Variants in SIPA1L1 observed in about 807,000 individuals in gnomAD.
SIPA1L1 encodes signal-induced proliferation-associated 1-like protein 1.
SIPA1L1 carries 26 observed loss-of-function variants against 162.7 expected under a neutral mutation model. The ratio of observed to expected loss-of-function variants is 0.16; its 90% confidence interval spans 0.12 to 0.22. The LOEUF is 0.22. Ranked by LOEUF, SIPA1L1 falls within the 10% of genes least tolerant of loss-of-function variation. The pLI, the probability that SIPA1L1 is intolerant of heterozygous loss-of-function variation, is 1.00. For missense variants in SIPA1L1, 1,874 were observed against 2,241.0 expected (o/e 0.84, Z 3.31); for synonymous variants, 829 against 837.4 (o/e 0.99, Z 0.17).
At chr14:71,365,977 C>T (rs1490762291) in intron 2 of SIPA1L1, among the ~76,000 whole-genome samples, 3 of 151,302 alleles carry the variant, frequency 2.0e-5, no homozygotes, top group Non-Finnish European at 4.4e-5. Context: ...CCTCCTGCCT[C>T]TGCCTTCCAA....
At chr14:71,707,689 T>C (rs1468660665) in intron 16 of SIPA1L1, among the ~76,000 whole-genome samples, 2 of 152,240 alleles carry the variant, frequency 1.3e-5, no homozygotes, top group Non-Finnish European at 2.9e-5. Context: ...CCCTATTTTT[T>C]AATCCATATA....
At chr14:71,535,234 G>A (rs969709119) in intron 4 of SIPA1L1, among the ~76,000 whole-genome samples, 1 of 152,202 alleles carries the variant, frequency 6.6e-6, no homozygotes, top group African/African-American at 2.4e-5. Context: ...TATGTATGGT[G>A]TGTGTTAGAC....
chr14:71,657,749 A>G (rs2043188098), intron 8 of SIPA1L1, among the ~76,000 whole-genome samples: 1 of 151,126 alleles, frequency 6.6e-6, no homozygotes. Flanking sequence ...TCCTAACTTG[A>G]TGTGTCGACA....
intron 13 of SIPA1L1, among the ~76,000 whole-genome samples, chr14:71,693,038 A>G (rs1040448614): frequency 6.6e-6 from 1 of 152,218 alleles, no homozygotes; most frequent in Non-Finnish European, 1.5e-5. Flanking sequence ...AATTAGGGTA[A>G]TACAGGTTCA....
At chr14:71,426,199 CTCTG>C (rs1449205565) in intron 2 of SIPA1L1, among the ~76,000 whole-genome samples, 1 of 152,038 alleles carries the variant, frequency 6.6e-6, no homozygotes, top group Admixed American at 6.6e-5. Flanking sequence ...TTCTACCATT[CTCTG>C]TCTTTTTTGA....
chr14:71,605,862 G>GC (rs1164265043), intron 5 of SIPA1L1, among the ~76,000 whole-genome samples: 1 of 152,154 alleles, frequency 6.6e-6, no homozygotes, highest in African/African-American at 2.4e-5. Flanking sequence ...CAGGTAGCTT[G>GC]CTTGGATACC....
At chr14:71,686,079 G>A (rs1386268333) in intron 13 of SIPA1L1, among the ~76,000 whole-genome samples, 3 of 152,040 alleles carry the variant, frequency 2.0e-5, no homozygotes, top group South Asian at 4.2e-4. Flanking sequence ...AGGATTATGC[G>A]GAAGGAAAAC....
chr14:71,385,498 C>T (rs986606604), intron 2 of SIPA1L1, among the ~76,000 whole-genome samples: 1 of 152,110 alleles, frequency 6.6e-6, no homozygotes, highest in Non-Finnish European at 1.5e-5. Context: ...TTGAATAGCT[C>T]TATCCAATAG....
At position 71,702,649 on chromosome 14, in the gene SIPA1L1, A is replaced by T. The variant is rs935315832; in HGVS notation, c.3646+144A>T. The T allele has an allele frequency of 6.6e-6, 5 of 760,426 alleles. No individual in the cohort carries two copies. The African/African-American group carries it at 8.9e-5, about 13-fold the overall frequency. The allele number at this position is 760,426 out of a possible 1,614,324, so 47.1% of individuals were successfully genotyped here. A position where few individuals can be genotyped will look rare whatever the true frequency, so the allele number is the denominator to read the frequency against. On this transcript the variant is annotated intron_variant, in intron 15 of 23. Transcript: ENST00000381232. ...GAATTAAGTCTCTGTTAGATTATGT[A>T]TAAGTGAAAACAATAAATAAGACCT...
chr14:71,412,096 T>C (rs536658857), intron 2 of SIPA1L1, among the ~76,000 whole-genome samples: 3 of 152,356 alleles, frequency 2.0e-5, no homozygotes, highest in East Asian at 1.9e-4. Context: ...TTGAGTGTTA[T>C]AGATTTCTTC....
chr14:71,648,457 T>C (rs1405484648), intron 7 of SIPA1L1, among the ~76,000 whole-genome samples: 1 of 152,204 alleles, frequency 6.6e-6, no homozygotes, highest in East Asian at 1.9e-4. Context: ...TTTTCCGTTA[T>C]CACGATTTGA....
At chr14:71,409,625 A>C (rs1006904261) in intron 2 of SIPA1L1, among the ~76,000 whole-genome samples, 1 of 152,158 alleles carries the variant, frequency 6.6e-6, no homozygotes, top group African/African-American at 2.4e-5. Context: ...CTGGTCTGTA[A>C]AGTAGATGAC....
At chr14:71,469,484 A>G (rs954720420) in intron 2 of SIPA1L1, among the ~76,000 whole-genome samples, 4 of 152,166 alleles carry the variant, frequency 2.6e-5, no homozygotes, top group Non-Finnish European at 4.4e-5. Context: ...CCCATCCCCA[A>G]GTGCAAAAAA....
intron 3 of SIPA1L1, among the ~76,000 whole-genome samples, chr14:71,524,199 T>C (rs2052637188): frequency 6.6e-6 from 1 of 152,230 alleles, no homozygotes; most frequent in Non-Finnish European, 1.5e-5. Flanking sequence ...TCTAACACCA[T>C]GAAATTCATT....
At chr14:71,412,328 G>A (rs1028062766) in intron 2 of SIPA1L1, among the ~76,000 whole-genome samples, 3 of 152,186 alleles carry the variant, frequency 2.0e-5, no homozygotes, top group South Asian at 2.1e-4. Context: ...AAGCTCATCA[G>A]CTATCGTTAG....
At chr14:71,578,983 T>C (rs2033531395) in intron 4 of SIPA1L1, among the ~76,000 whole-genome samples, 10 of 152,214 alleles carry the variant, frequency 6.6e-5, no homozygotes, top group Admixed American at 5.9e-4. Flanking sequence ...AGAGGATTAG[T>C]TTTTAATCAG....
At chr14:71,385,002 G>A (rs962018658) in intron 2 of SIPA1L1, among the ~76,000 whole-genome samples, 4 of 152,206 alleles carry the variant, frequency 2.6e-5, no homozygotes, top group African/African-American at 9.7e-5. Context: ...AGCGATAAAG[G>A]ACTCTTGTAA....
At chr14:71,481,220 T>G (rs972769065) in intron 2 of SIPA1L1, among the ~76,000 whole-genome samples, 4 of 152,234 alleles carry the variant, frequency 2.6e-5, no homozygotes, top group Admixed American at 6.5e-5. Flanking sequence ...GGCTCACGCC[T>G]GTAACCCTAG....
chr14:71,550,066 G>C (rs1237485338), intron 4 of SIPA1L1, among the ~76,000 whole-genome samples: 1 of 152,080 alleles, frequency 6.6e-6, no homozygotes, highest in Non-Finnish European at 1.5e-5. Context: ...GGAAACCACA[G>C]CGAGACCCTG....
Sources: gnomAD v4.1 joint callset for allele counts (sites outside exome capture counted in the v4.1 genomes callset) on GRCh38, gnomAD v4.1.1 for gene constraint, MANE v1.5 for transcripts, NCBI Gene and HGNC (gene_info 2026-07-23, HGNC 2026-07-21) for gene names.